ADAMTS17: variants seen among roughly 807,000 people sequenced by gnomAD.
ADAMTS17 encodes A disintegrin and metalloproteinase with thrombospondin motifs 17.
ADAMTS17 carries 113 observed loss-of-function variants against 141.5 expected under a neutral mutation model. That is an observed-to-expected ratio of 0.80 (90% CI 0.69 to 0.93). ADAMTS17 has a LOEUF of 0.93. Among genes scored for constraint, ADAMTS17 ranks in the 40% least tolerant of loss-of-function variants. The pLI, the probability that ADAMTS17 is intolerant of heterozygous loss-of-function variation, is 0.00. For synonymous variants in ADAMTS17, 768 were observed against 630.6 expected (o/e 1.22, Z -3.27); for missense variants, 1,659 against 1,517.9 (o/e 1.09, Z -1.54).
At chr15:100,256,451 C>T (rs961698093) in intron 6 of ADAMTS17, 16 of 152,238 alleles carry the variant, frequency 1.1e-4, no homozygotes, top group African/African-American at 3.9e-4. Flanking sequence ...TATTAATTGA[C>T]TGACGTTTCC....
chr15:100,248,609 CAT>C (rs1385345492), intron 7 of ADAMTS17, among the ~76,000 whole-genome samples: 5 of 152,206 alleles, frequency 3.3e-5, no homozygotes, highest in Admixed American at 1.3e-4. Flanking sequence ...AGAGGTCTGA[CAT>C]GTGCAGAGTG....
chr15:100,080,554 A>G (rs1339363006), intron 15 of ADAMTS17, among the ~76,000 whole-genome samples: 1 of 152,118 alleles, frequency 6.6e-6, no homozygotes, highest in Admixed American at 6.5e-5. Context: ...CCACCAAGAA[A>G]AAACCCACGT....
At chr15:100,072,949 C>G (rs957890463) in intron 15 of ADAMTS17, among the ~76,000 whole-genome samples, 12 of 152,218 alleles carry the variant, frequency 7.9e-5, no homozygotes, top group Middle Eastern at 6.8e-3. Flanking sequence ...TTCTGCAAAG[C>G]AAAAGAAACT....
intron 7 of ADAMTS17, among the ~76,000 whole-genome samples, chr15:100,205,952 G>C (rs950142944): frequency 6.6e-6 from 1 of 152,196 alleles, no homozygotes; most frequent in Admixed American, 6.5e-5. Flanking sequence ...GTGGAGACTG[G>C]AGAGGAAGCT....
Position 100,294,401 on chromosome 15 carries a change from C to T in ADAMTS17, c.617-13000G>A, listed in dbSNP as rs71405371. Among the ~76,000 whole-genome samples, 541 of 152,222 alleles carry T rather than the reference C, an allele frequency of 3.6e-3. 2 individuals carry two copies. The highest frequency in any genetic ancestry group is 0.034 in the Middle Eastern group (10 of 294). ...TGAAATAACTTCTCTCCTAGGGCCA[C>T]CCTCCATCACAAAAAAAATGAATTG... On this transcript the variant is annotated intron_variant, in intron 3 of 21. Transcript: ENST00000268070.
At chr15:100,259,717 G>C (rs1043806491) in intron 6 of ADAMTS17, among the ~76,000 whole-genome samples, 1 of 152,336 alleles carries the variant, frequency 6.6e-6, no homozygotes, top group Non-Finnish European at 1.5e-5. Context: ...GGATTGGCAC[G>C]CTACAAAGCA....
chr15:100,277,286 G>T (rs1164392070), intron 4 of ADAMTS17, among the ~76,000 whole-genome samples: 1 of 152,058 alleles, frequency 6.6e-6, no homozygotes, highest in Non-Finnish European at 1.5e-5. Context: ...GGGGTGCAGG[G>T]TGTTTAATCA....
intron 15 of ADAMTS17, among the ~76,000 whole-genome samples, chr15:100,080,159 C>T (rs2034637251): frequency 1.3e-5 from 2 of 152,168 alleles, no homozygotes. Flanking sequence ...TTTTTGCTTC[C>T]TGTTCCCCCG....
At chr15:100,109,237 G>T in intron 13 of ADAMTS17, 121 bp from the exon 14 acceptor site, 8 of 926,748 alleles carry the variant, frequency 8.6e-6, no homozygotes, top group South Asian at 8.0e-5. Context: ...GTCAGTAAAG[G>T]TGCATGAGCT....
chr15:100,151,749 C>A (rs767876367), intron 10 of ADAMTS17, among the ~76,000 whole-genome samples: 2 of 152,114 alleles, frequency 1.3e-5, no homozygotes, highest in Non-Finnish European at 2.9e-5. Context: ...TCCTGGCCTT[C>A]CCCTGTGGCC....
At chr15:100,120,668 G>A (rs1252423815) in intron 12 of ADAMTS17, among the ~76,000 whole-genome samples, 1 of 152,220 alleles carries the variant, frequency 6.6e-6, no homozygotes, top group African/African-American at 2.4e-5. Flanking sequence ...AAGACCTTCA[G>A]CTTTCACTTC....
chr15:100,185,426 T>G (rs2040678937), intron 8 of ADAMTS17, among the ~76,000 whole-genome samples: 1 of 152,160 alleles, frequency 6.6e-6, no homozygotes, highest in Non-Finnish European at 1.5e-5. Flanking sequence ...TTGCCCCCCA[T>G]GTTGACCCCA....
intron 3 of ADAMTS17, among the ~76,000 whole-genome samples, chr15:100,319,154 G>A (rs2045653131): frequency 6.6e-6 from 1 of 152,238 alleles, no homozygotes; most frequent in African/African-American, 2.4e-5. Context: ...AAAGAGGGTA[G>A]AATAGCACTG....
intron 14 of ADAMTS17, among the ~76,000 whole-genome samples, chr15:100,102,665 C>G (rs1257299451): frequency 6.6e-6 from 1 of 152,202 alleles, no homozygotes; most frequent in Non-Finnish European, 1.5e-5. Context: ...GGTAGGTTTC[C>G]TTTCGTAACT....
intron 15 of ADAMTS17, among the ~76,000 whole-genome samples, chr15:100,084,373 G>C: frequency 6.6e-6 from 1 of 152,334 alleles, no homozygotes; most frequent in Admixed American, 6.5e-5. Context: ...GCCCACCACA[G>C]CTCAAGGAGG....
intron 15 of ADAMTS17, chr15:100,063,862 G>T: frequency 1.3e-6 from 1 of 770,242 alleles, no homozygotes; most frequent in Non-Finnish European, 1.9e-6. Flanking sequence ...CCCCACAGTG[G>T]CTTCAGAAAT....
chr15:100,103,905 C>T (rs1231098158), intron 14 of ADAMTS17, among the ~76,000 whole-genome samples: 1 of 152,172 alleles, frequency 6.6e-6, no homozygotes, highest in Non-Finnish European at 1.5e-5. Flanking sequence ...AAAGGCTTTC[C>T]TCTGGGCCAG....
chr15:100,196,144 CTTTAAG>C (rs777501548), intron 8 of ADAMTS17, among the ~76,000 whole-genome samples: 22 of 152,142 alleles, frequency 1.4e-4, no homozygotes, highest in South Asian at 8.3e-4. Context: ...ATGGCAAGAA[CTTTAAG>C]TTTAATTACA....
chr15:100,125,756 C>T (rs1367716298), intron 12 of ADAMTS17, among the ~76,000 whole-genome samples: 2 of 152,110 alleles, frequency 1.3e-5, no homozygotes, highest in African/African-American at 4.8e-5. Context: ...GCTTTGGAAA[C>T]ACCGATGGTC....
Sources: allele counts gnomAD v4.1 joint callset (sites outside exome capture counted in the v4.1 genomes callset), GRCh38; gene constraint gnomAD v4.1.1; transcripts MANE v1.5; gene names NCBI Gene and HGNC (gene_info 2026-07-23, HGNC 2026-07-21).